The following SLC5A11 variants were observed in gnomAD, a reference collection of about 807,000 sequenced individuals.
SLC5A11 encodes sodium/myo-inositol cotransporter 2.
SLC5A11 carries 48 observed loss-of-function variants against 69.8 expected under a neutral mutation model. The ratio of observed to expected loss-of-function variants is 0.69; its 90% CI spans 0.55 to 0.87. The LOEUF (loss-of-function observed/expected upper bound fraction) is 0.87. SLC5A11 is among the 40% of genes least tolerant of loss of function. The probability of loss-of-function intolerance (pLI) is 0.00; values close to 1 mark genes in which losing one functional copy is unlikely to be tolerated. For missense variants in SLC5A11, 784 were observed against 866.1 expected, an observed-to-expected ratio of 0.91 and a Z score of 1.19; for synonymous variants, 319 against 342.4, an observed-to-expected ratio of 0.93 and a Z score of 0.75.
chr16:24,849,593 A>AAAATATATATAT, intron 1 of SLC5A11, among the ~76,000 whole-genome samples: 17 of 35,904 alleles, frequency 4.7e-4, no homozygotes, highest in Non-Finnish European at 7.8e-4. Context: ...AAAAAAAAAA[A>AAAATATATATAT]ATATATATAT....
chr16:24,911,289 G>C, intron 15 of SLC5A11, 39 bp from the exon 17 acceptor site: 1 of 1,604,336 alleles, frequency 6.2e-7, no homozygotes, highest in Non-Finnish European at 8.5e-7. Context: ...GGGAGATACA[G>C]ACCACCTCTA....
chr16:24,892,819 C>G (rs1412987438), intron 9 of SLC5A11, among the ~76,000 whole-genome samples: 1 of 152,116 alleles, frequency 6.6e-6, no homozygotes, highest in African/African-American at 2.4e-5. Context: ...TAGGCCAGCC[C>G]TCCTTTGAGC....
At chr16:24,870,442 A>ACCACACACACACAC (rs71156449) in intron 4 of SLC5A11, among the ~76,000 whole-genome samples, 19,761 of 140,186 alleles carry the variant, frequency 0.14, 1,806 homozygotes, top group Non-Finnish European at 0.2. Context: ...AACAAAAAAA[A>ACCACACACACACAC]ACACACACAC....
intron 9 of SLC5A11, among the ~76,000 whole-genome samples, chr16:24,894,598 A>G (rs879707064): frequency 1.7e-4 from 26 of 149,910 alleles, no homozygotes; most frequent in Non-Finnish European, 3.6e-4. Context: ...TCAGGAGATC[A>G]AGACCATCCT....
chr16:24,879,184 A>C (rs571478696), intron 7 of SLC5A11, among the ~76,000 whole-genome samples: 1 of 152,162 alleles, frequency 6.6e-6, no homozygotes, highest in Non-Finnish European at 1.5e-5. Context: ...GGCCTCTCTA[A>C]GGTGATATCT....
chr16:24,902,569 C>G (rs554483792), intron 10 of SLC5A11, among the ~76,000 whole-genome samples: 1 of 122,430 alleles, frequency 8.2e-6, no homozygotes, highest in East Asian at 2.2e-4. Context: ...TTTTTTGAGA[C>G]GGTGTTTTGC....
At chr16:24,876,313 G>T (rs1409493959) in intron 6 of SLC5A11, among the ~76,000 whole-genome samples, 1 of 152,162 alleles carries the variant, frequency 6.6e-6, no homozygotes, top group Non-Finnish European at 1.5e-5. Flanking sequence ...GATGATGTGG[G>T]TTGATCAATG....
chr16:24,906,227 G>C (rs2050047072), intron 10 of SLC5A11, among the ~76,000 whole-genome samples: 1 of 151,780 alleles, frequency 6.6e-6, no homozygotes, highest in African/African-American at 2.4e-5. Flanking sequence ...TGTAATCCCA[G>C]CTTCTCGGGA....
At chr16:24,871,819 C>T (rs938008117) in intron 4 of SLC5A11, among the ~76,000 whole-genome samples, 4 of 152,104 alleles carry the variant, frequency 2.6e-5, no homozygotes, top group East Asian at 3.9e-4. Context: ...CTCTTGTGGT[C>T]GTCTTTGAAC....
At chr16:24,859,716 T>A (rs903867289) in intron 2 of SLC5A11, among the ~76,000 whole-genome samples, 2 of 152,238 alleles carry the variant, frequency 1.3e-5, no homozygotes, top group Non-Finnish European at 2.9e-5. Context: ...CTTTTCACAT[T>A]AGCACGTAGA....
intron 6 of SLC5A11, among the ~76,000 whole-genome samples, chr16:24,876,527 G>A (rs930028198): frequency 2.1e-4 from 32 of 152,184 alleles, no homozygotes; most frequent in African/African-American, 4.6e-4. Flanking sequence ...AGCTGTCTTC[G>A]CTTCCAGCCA....
chr16:24,855,892 T>C (rs1462513650), intron 1 of SLC5A11, among the ~76,000 whole-genome samples: 1 of 152,182 alleles, frequency 6.6e-6, no homozygotes, highest in African/African-American at 2.4e-5. Context: ...CTAAGGTATT[T>C]GATTGTAACA....
At chr16:24,868,201 C>A (rs568116722) in intron 3 of SLC5A11, among the ~76,000 whole-genome samples, 9 of 150,076 alleles carry the variant, frequency 6.0e-5, no homozygotes, top group Non-Finnish European at 1.5e-5. Flanking sequence ...AGAAAAAGAC[C>A]AAGCACCAAG....
At chr16:24,852,494 A>G (rs1356612421) in intron 1 of SLC5A11, among the ~76,000 whole-genome samples, 1 of 152,192 alleles carries the variant, frequency 6.6e-6, no homozygotes, top group Non-Finnish European at 1.5e-5. Context: ...AGCCTTTGTT[A>G]TAACACAAGC....
intron 10 of SLC5A11, among the ~76,000 whole-genome samples, chr16:24,902,833 C>T (rs1368290592): frequency 1.3e-5 from 2 of 152,180 alleles, no homozygotes; most frequent in East Asian, 3.8e-4. Flanking sequence ...GCCACCGTGT[C>T]CAGCCAACAG....
At chr16:24,895,120 G>A (rs2049061103) in intron 9 of SLC5A11, among the ~76,000 whole-genome samples, 1 of 150,854 alleles carries the variant, frequency 6.6e-6, no homozygotes, top group East Asian at 2.0e-4. Context: ...GTGAGATCCT[G>A]CCTCAGAAAA....
chr16:24,849,591 AAAATATATATATAT>A (rs1282824422), intron 1 of SLC5A11, among the ~76,000 whole-genome samples: 10 of 57,496 alleles, frequency 1.7e-4, no homozygotes, highest in African/African-American at 4.3e-4. Context: ...AAAAAAAAAA[AAAATATATATATAT>A]ATATATATAT....
In SLC5A11 at chr16:24,906,752, C is replaced by CA; in HGVS notation, c.1102_1103insA (p.Leu368HisfsTer27). On this transcript the variant is annotated frameshift_variant, in exon 11 of 16. Coordinates refer to ENST00000347898, the Ensembl canonical transcript of SLC5A11. LOFTEE classifies it high-confidence loss of function. ...CGCGTATCCCAAACTCGTGCTGGAA[C>CA]TCCTGCCCACAGGTAATGTCCCTTC... is the stretch of plus-strand genomic sequence containing the variant. 6.2e-7 allele frequency: 1 copy of CA among 1,612,414 alleles called. No homozygotes were observed. Among genetic ancestry groups the CA allele is most frequent in the Non-Finnish European group, 8.5e-7 (1 of 1,179,014 alleles).
chr16:24,862,059 C>T (rs1447387409), intron 2 of SLC5A11: 1 of 152,146 alleles, frequency 6.6e-6, no homozygotes, highest in Non-Finnish European at 1.5e-5. Flanking sequence ...TATTGAACTT[C>T]CAAGTCTCCA....
Sources: allele counts gnomAD v4.1 joint callset (sites outside exome capture counted in the v4.1 genomes callset), GRCh38; gene constraint gnomAD v4.1.1; transcripts MANE v1.5; gene names NCBI Gene and HGNC (gene_info 2026-07-23, HGNC 2026-07-21).